Variants in ZNF696 observed in about 807,000 individuals in gnomAD.
The protein encoded by ZNF696 is zinc finger protein 696.
ZNF696 carries 10 observed loss-of-function variants against 12.3 expected under a neutral mutation model. The observed-to-expected ratio is 0.81, with a 90% confidence interval of 0.50 to 1.38. The LOEUF (loss-of-function observed/expected upper bound fraction) is 1.38, where lower values mean the gene tolerates loss of function less well. ZNF696 is among the 40% of genes most tolerant of loss of function. The probability of loss-of-function intolerance (pLI) is 0.00; values close to 1 mark genes in which losing one functional copy is unlikely to be tolerated. For missense variants in ZNF696, 675 were observed against 554.7 expected (o/e 1.22, Z -2.18); for synonymous variants, 304 against 243.9 (o/e 1.25, Z -2.29).
Position 143,291,522 on chromosome 8 carries a change from C to T in ZNF696, c.-276C>T. The T allele has an allele frequency of 1.0e-6, 1 of 984,542 alleles. No homozygotes were observed. The highest frequency in any genetic ancestry group is 1.2e-6 in the Non-Finnish European group (1 of 829,108). 61.0% of individuals were successfully genotyped at this position (984,542 alleles called of 1,614,324 possible). On this transcript the variant is annotated 5_prime_UTR_variant, in exon 1 of 3. Coordinates refer to ENST00000330143, the MANE Select transcript of ZNF696 (RefSeq NM_030895.3). ...CGCGGCCGAGAGAACGGGGCGGTCA[C>T]CGCCGCCGTGGCCCGCGCGTCCCGC...
intron 2 of ZNF696, 83 bp from the exon 3 acceptor site, chr8:143,295,657 C>G: frequency 7.2e-7 from 1 of 1,390,380 alleles, no homozygotes; most frequent in Non-Finnish European, 9.6e-7. Context: ...CACTGTCACT[C>G]TGTCGTCACC....
At chr8:143,293,899 A>C (rs750188325) in intron 2 of ZNF696, among the ~76,000 whole-genome samples, 2 of 152,200 alleles carry the variant, frequency 1.3e-5, no homozygotes, top group Non-Finnish European at 2.9e-5. Context: ...TGTCGATAGC[A>C]GCCTGCTCTC....
chr8:143,295,637 ACGTCACCATCACTGTCACTCTGT>A, intron 2 of ZNF696, 80 bp from the exon 3 acceptor site: 3 of 1,277,736 alleles, frequency 2.3e-6, no homozygotes, highest in South Asian at 1.5e-5. Flanking sequence ...TGGCACACTG[ACGTCACCATCACTGTCACTCTGT>A]CGTCACCACG....
chr8:143,296,665 C>A lies in ZNF696; in HGVS notation c.990C>A (p.Phe330Leu). The change falls in exon 3 of 3, where the codon TTC (phenylalanine) becomes TTA (leucine). Residue 330 changes from phenylalanine to leucine, a missense_variant. Physicochemically the swap from Phe to Leu is conservative, Grantham distance 22. Transcript: ENST00000330143. The stretch of plus-strand genomic sequence containing the variant: ...AGTGCGGCCACTGCGGGCGCGCGTT[C>A]CGGGCGCTGTCGGGCTTCTTCCGGC... ...PHQCGHCGRAFRALSGFFRHQ... is the reference protein window; with the variant it reads ...PHQCGHCGRALRALSGFFRHQ... The A allele has an allele frequency of 6.4e-7, 1 of 1,574,722 alleles. No homozygotes were observed. The highest frequency in any genetic ancestry group is 8.6e-7 in the Non-Finnish European group (1 of 1,167,318).
chr8:143,296,615 A>C lies in ZNF696; in HGVS notation c.940A>C (p.Ile314Leu), dbSNP rs1238373821. Residue 314 changes from isoleucine to leucine, a missense_variant, in exon 3 of 3, where the codon ATC (isoleucine) becomes CTC (leucine). Ile to Leu is a conservative substitution (Grantham distance 5). Coordinates refer to ENST00000330143, the MANE Select transcript of ZNF696 (RefSeq NM_030895.3). ...RSSFLREHRR[I>L]HTGEKPHQCG... ...CTCCTTCCTCCGCGAGCACCGCCGCATCCACACCGGGGAGAAGCCCCACCA... is the reference window on the plus strand; with the variant it reads ...CTCCTTCCTCCGCGAGCACCGCCGCCTCCACACCGGGGAGAAGCCCCACCA... 1.3e-6 allele frequency: 2 copies of C among 1,586,828 alleles called. No individual in the cohort carries two copies. Among genetic ancestry groups the C allele is most frequent in the Non-Finnish European group, 1.7e-6 (2 of 1,172,818 alleles).
Position 143,295,782 on chromosome 8 carries a change from G to C in ZNF696, c.107G>C (p.Arg36Pro), listed in dbSNP as rs1160875127. The change falls in exon 3 of 3, where the codon CGG becomes CCG. Residue 36 changes from arginine to proline, a missense_variant. Coordinates refer to ENST00000330143, the MANE Select transcript of ZNF696 (RefSeq NM_030895.3). The part of the protein sequence containing the change: ...AFLAQAPSGS[R>P]SAEVQAAQST... ...CTGGCGCAGGCCCCGAGTGGCAGCC[G>C]GTCAGCCGAGGTGCAGGCAGCTCAG... The C allele has an allele frequency of 2.5e-6, 4 of 1,603,500 alleles. No individual in the cohort carries two copies. Among genetic ancestry groups the C allele is most frequent in the Non-Finnish European group, 2.6e-6 (3 of 1,176,364 alleles).
Position 143,296,952 on chromosome 8 carries a change from G to T in ZNF696, c.*152G>T, listed in dbSNP as rs1586738941. The T allele has an allele frequency of 1.2e-5, 9 of 727,642 alleles. 1 individual carries two copies. In the East Asian group the frequency reaches 3.2e-4, roughly 26 times the overall value. 45.1% of individuals were successfully genotyped at this position (727,642 alleles called of 1,614,324 possible). Reference sequence around the variant, plus strand: ...CGAAAGCCTCGCCAGGCCTGCATCCGCCTTGGCTTGGGAGCAATCAGGAGA... The same window carrying T: ...CGAAAGCCTCGCCAGGCCTGCATCCTCCTTGGCTTGGGAGCAATCAGGAGA... On this transcript the variant is annotated 3_prime_UTR_variant, in exon 3 of 3. Transcript: ENST00000330143.
rs755310310 is a variant in ZNF696 at position 143,296,119 on chromosome 8, G to C, written c.444G>C (p.Ser148=). Residue 148 remains serine, a synonymous_variant, in exon 3 of 3, where the codon TCG becomes TCC. Coordinates refer to ENST00000330143, the MANE Select transcript of ZNF696 (RefSeq NM_030895.3). The part of the protein sequence containing the change: ...SDAAKHRSIH[S]GEKPYECSDC... ...CGGCAAAGCACCGGAGCATCCACTC[G>C]GGGGAGAAACCGTACGAGTGCAGCG... The C allele has an allele frequency of 4.3e-6, 7 of 1,609,352 alleles. No individual in the cohort carries two copies. The East Asian group carries it at 1.6e-4, about 36-fold the overall frequency.
At position 143,298,212 on chromosome 8, in the gene ZNF696, G is replaced by A. The variant is rs1205840542; in HGVS notation, c.*1412G>A. Among the ~76,000 whole-genome samples the A allele has an allele frequency of 6.6e-6, 1 of 152,184 alleles. No homozygotes were observed. The highest frequency in any genetic ancestry group is 1.5e-5 in the Non-Finnish European group (1 of 68,030). On this transcript the variant is annotated 3_prime_UTR_variant, in exon 3 of 3. Coordinates refer to ENST00000330143, the MANE Select transcript of ZNF696 (RefSeq NM_030895.3). ...TCCTGCAGTTCTCTGCCCAGGTAAG[G>A]ACTAATTGGGAAGAATTCTGGGTCC...
chr8:143,293,200 T>A, intron 2 of ZNF696, 135 bp downstream of exon 2: 1 of 695,690 alleles, frequency 1.4e-6, no homozygotes, highest in Non-Finnish European at 2.5e-6. Context: ...GGGAGGGAGG[T>A]AAACGCAGGC....
rs745853749 is a variant in ZNF696, at chr8:143,292,984, C to G, written c.-18C>G. ...TTTACCTAAGCAGAAATTGTTCCAA[C>G]TGCTGGTGTTCTGCAAGATGGAGCC... On this transcript the variant is annotated 5_prime_UTR_variant, in exon 2 of 3. Coordinates refer to ENST00000330143, the MANE Select transcript of ZNF696 (RefSeq NM_030895.3). 8.7e-6 allele frequency: 14 copies of G among 1,613,528 alleles called. 1 individual carries two copies. The Middle Eastern group carries it at 6.6e-4, about 77-fold the overall frequency.
At position 143,297,115 on chromosome 8, in the gene ZNF696, C is replaced by T. The variant is rs575498388; in HGVS notation, c.*315C>T. The T allele has an allele frequency of 1.2e-3, 350 of 296,770 alleles. No individual in the cohort carries two copies. The South Asian group carries it at 0.018, about 15-fold the overall frequency. The allele number at this position is 296,770 out of a possible 1,614,324, so 18.4% of individuals were successfully genotyped here. ...ACGGTCAGCTGCTGCGGGGCAGTGG[C>T]CGGTGATTGAATCGGTCATTCCTCC... is the stretch of plus-strand genomic sequence containing the variant. On this transcript the variant is annotated 3_prime_UTR_variant, in exon 3 of 3. Transcript: ENST00000330143.
Position 143,291,423 on chromosome 8 carries a change from G to A in ZNF696, c.-375G>A. On this transcript the variant is annotated 5_prime_UTR_variant, in exon 1 of 3. Transcript: ENST00000330143. The stretch of plus-strand genomic sequence containing the variant: ...GCGCGACGGGGCGGGGACCGTAGCG[G>A]GTGCAGTCCAGCTGCTCTGGACGCT... The A allele has an allele frequency of 1.0e-6, 1 of 986,128 alleles. No individual in the cohort carries two copies. Among genetic ancestry groups the A allele is most frequent in the South Asian group, 4.7e-5 (1 of 21,476 alleles). 61.1% of individuals were successfully genotyped at this position (986,128 alleles called of 1,614,324 possible).
rs754654180 is a variant in ZNF696, at chr8:143,296,167, C to T, written c.492C>T (p.His164=). The change falls in exon 3 of 3, where the codon CAC becomes CAT. Residue 164 remains histidine, a synonymous_variant. Transcript: ENST00000330143. ...ECSDCGKAFI[H]SSHVVRHQRA... ...GCGACTGCGGGAAGGCCTTCATCCA[C>T]AGCTCGCACGTGGTCCGGCACCAGC... 5.0e-6 allele frequency: 8 copies of T among 1,607,796 alleles called. No individual in the cohort carries two copies. The highest frequency in any genetic ancestry group is 1.1e-5 in the South Asian group (1 of 90,764).
Position 143,295,859 on chromosome 8 carries a change from G to T in ZNF696, c.184G>T (p.Gly62Trp), listed in dbSNP as rs1390786898. ...CGCTCCCGAGGGAGAGGGCCACAGA[G>T]GGGGGCCTCCCCGGGCGTTGGGGTC... ...AGAPEGEGHR[G>W]GPPRALGSLG... is the part of the protein sequence containing the mutation. Residue 62 changes from glycine to tryptophan, a missense_variant, in exon 3 of 3, where the codon GGG becomes TGG. By Grantham distance (184) the Gly-to-Trp change is radical. Coordinates refer to ENST00000330143, the MANE Select transcript of ZNF696 (RefSeq NM_030895.3). 9 of 1,576,912 alleles carry T rather than the reference G, an allele frequency of 5.7e-6. No individual in the cohort carries two copies. The highest frequency in any genetic ancestry group is 7.8e-6 in the Non-Finnish European group (9 of 1,160,502).
chr8:143,292,870 C>A, intron 1 of ZNF696, 102 bp from the exon 2 acceptor site: 1 of 984,554 alleles, frequency 1.0e-6, no homozygotes, highest in Non-Finnish European at 1.5e-6. Context: ...CCCACAGGGC[C>A]TGTTCTGACA....
intron 1 of ZNF696, among the ~76,000 whole-genome samples, chr8:143,292,584 A>G (rs1815645346): frequency 6.6e-6 from 1 of 152,182 alleles, no homozygotes; most frequent in African/African-American, 2.4e-5. Context: ...TTTATATTCA[A>G]ATCCTTATAA....
chr8:143,294,951 T>G, intron 2 of ZNF696, among the ~76,000 whole-genome samples: 1 of 152,090 alleles, frequency 6.6e-6, no homozygotes, highest in Non-Finnish European at 1.5e-5. Context: ...TAGCCTGGTG[T>G]GGTGGTGCTC....
chr8:143,292,930 G>A (rs2129730214), intron 1 of ZNF696, 42 bp from the exon 2 acceptor site: 2 of 1,555,362 alleles, frequency 1.3e-6, no homozygotes, highest in African/African-American at 2.7e-5. Context: ...CCTGTACCTA[G>A]CCCTGGCTGT....
Sources: gnomAD v4.1 joint callset for allele counts (sites outside exome capture counted in the v4.1 genomes callset) on GRCh38, gnomAD v4.1.1 for gene constraint, MANE v1.5 for transcripts, NCBI Gene and HGNC (gene_info 2026-07-23, HGNC 2026-07-21) for gene names.